SPAG9: variants seen among roughly 807,000 people sequenced by gnomAD.
The protein encoded by SPAG9 is sperm associated antigen 9.
Under a neutral mutation model 166.5 loss-of-function variants are expected in SPAG9, and 35 were observed. The observed-to-expected ratio is 0.21, with a 90% CI of 0.16 to 0.28. The LOEUF (loss-of-function observed/expected upper bound fraction) is 0.28, where lower values mean the gene tolerates loss of function less well. SPAG9 is among the 10% of genes least tolerant of loss of function. The pLI is 1.00. For missense variants in SPAG9, 1,235 were observed against 1,603.3 expected (o/e 0.77, Z 3.92); for synonymous variants, 534 against 565.5 (o/e 0.94, Z 0.79).
chr17:51,047,022 A>C, intron 4 of SPAG9: 1 of 1,112,486 alleles, frequency 9.0e-7, no homozygotes, highest in South Asian at 1.7e-5. Context: ...ACCCTTTCAA[A>C]CATGCCTCTC....
intron 2 of SPAG9, among the ~76,000 whole-genome samples, chr17:51,062,528 T>A (rs767947812): frequency 6.6e-6 from 1 of 152,204 alleles, no homozygotes; most frequent in Non-Finnish European, 1.5e-5. Flanking sequence ...AATCATATAG[T>A]ACCTAGCCTT....
chr17:51,002,988 TA>T (rs79811826), intron 12 of SPAG9, among the ~76,000 whole-genome samples: 5,122 of 130,314 alleles, frequency 0.039, 192 homozygotes, highest in East Asian at 0.21. Context: ...AGGCTGAAGT[TA>T]AAAAAAAAAA....
chr17:50,989,418 C>T (rs1035887440), intron 21 of SPAG9: 2 of 509,772 alleles, frequency 3.9e-6, no homozygotes, highest in Non-Finnish European at 3.5e-6. Flanking sequence ...GAACATATCC[C>T]CATTGTTGAC....
At chr17:50,996,261 A>G (rs2044675592) in intron 16 of SPAG9, 2 of 246,340 alleles carry the variant, frequency 8.1e-6, no homozygotes, top group Admixed American at 5.3e-5. Flanking sequence ...TTTTTAAAAA[A>G]TGAAATCTTC....
At chr17:51,027,230 G>C (rs1051429394) in intron 6 of SPAG9, among the ~76,000 whole-genome samples, 2 of 152,032 alleles carry the variant, frequency 1.3e-5, no homozygotes, top group African/African-American at 2.4e-5. Flanking sequence ...TCAGAAGTTT[G>C]AGACCAGCCT....
intron 1 of SPAG9, among the ~76,000 whole-genome samples, chr17:51,104,139 C>A (rs1439839914): frequency 6.6e-6 from 1 of 152,072 alleles, no homozygotes; most frequent in East Asian, 1.9e-4. Context: ...GAAAAGAGAA[C>A]CAGGTTTGGG....
At chr17:50,999,365 G>C in intron 14 of SPAG9, 1 of 839,058 alleles carries the variant, frequency 1.2e-6, no homozygotes, top group East Asian at 2.9e-5. Context: ...TCATTTTCAA[G>C]TCTCTAAATA....
chr17:51,064,811 GAAT>G (rs2047614930), intron 2 of SPAG9, among the ~76,000 whole-genome samples: 1 of 152,128 alleles, frequency 6.6e-6, no homozygotes, highest in African/African-American at 2.4e-5. Flanking sequence ...AAAAACCGCT[GAAT>G]TGTACACTTC....
intron 3 of SPAG9, among the ~76,000 whole-genome samples, chr17:51,055,731 T>G (rs193185105): frequency 6.6e-6 from 1 of 152,304 alleles, no homozygotes; most frequent in East Asian, 1.9e-4. Context: ...ATTATATTTA[T>G]CTGGGTATGT....
chr17:51,109,053 G>A (rs2049031246), intron 1 of SPAG9, among the ~76,000 whole-genome samples: 1 of 151,588 alleles, frequency 6.6e-6, no homozygotes, highest in South Asian at 2.1e-4. Context: ...GTAGAGACAG[G>A]GTTTCTCCAT....
intron 1 of SPAG9, among the ~76,000 whole-genome samples, chr17:51,111,233 T>A (rs2049102162): frequency 6.6e-6 from 1 of 152,202 alleles, no homozygotes; most frequent in South Asian, 2.1e-4. Context: ...ATAACAGCTT[T>A]TTAAATATAT....
At chr17:51,035,135 C>T (rs1413973315) in intron 5 of SPAG9, among the ~76,000 whole-genome samples, 3 of 152,204 alleles carry the variant, frequency 2.0e-5, no homozygotes, top group East Asian at 3.9e-4. Context: ...CATAGTGAGG[C>T]CCTGTCTGTA....
intron 4 of SPAG9, chr17:51,046,792 C>T (rs1395934552): frequency 6.5e-7 from 1 of 1,534,370 alleles, no homozygotes; most frequent in South Asian, 1.2e-5. Flanking sequence ...CAGCTTTCCA[C>T]TCCATCCTGC....
intron 11 of SPAG9, 109 bp downstream of exon 11, chr17:51,005,976 C>T (rs889846469): frequency 6.2e-6 from 8 of 1,287,088 alleles, no homozygotes; most frequent in Non-Finnish European, 7.6e-6. Flanking sequence ...CAGCTCTTGG[C>T]CTTCCAGGCT....
At chr17:51,092,762 AAAAAAGAAAAAAAG>A (rs2048504331) in intron 1 of SPAG9, among the ~76,000 whole-genome samples, 1 of 142,424 alleles carries the variant, frequency 7.0e-6, no homozygotes, top group Non-Finnish European at 1.5e-5. Flanking sequence ...AAAAAAAAAA[AAAAAAGAAAAAAAG>A]AAAAAGAAAA....
intron 29 of SPAG9, among the ~76,000 whole-genome samples, chr17:50,969,363 T>C (rs908888403): frequency 2.6e-5 from 4 of 152,158 alleles, no homozygotes; most frequent in Non-Finnish European, 5.9e-5. Context: ...CTGTTGACAG[T>C]CCTGAGCTCT....
chr17:50,973,278 T>C (rs1487168616), intron 28 of SPAG9, among the ~76,000 whole-genome samples: 2 of 152,132 alleles, frequency 1.3e-5, no homozygotes, highest in African/African-American at 4.8e-5. Flanking sequence ...TTGCATCGAC[T>C]TCAAGATAGT....
At chr17:51,118,202 C>A (rs1050561623) in intron 1 of SPAG9, among the ~76,000 whole-genome samples, 3 of 151,784 alleles carry the variant, frequency 2.0e-5, no homozygotes, top group Non-Finnish European at 4.4e-5. Context: ...TGGGAGTGGG[C>A]TCATTTAGCA....
intron 3 of SPAG9, among the ~76,000 whole-genome samples, chr17:51,054,438 T>TG (rs2047302151): frequency 6.7e-6 from 1 of 149,264 alleles, no homozygotes; most frequent in African/African-American, 2.5e-5. Flanking sequence ...GTGGGTTTTT[T>TG]TGGCTTTTTT....
Sources: gnomAD v4.1 joint callset for allele counts (sites outside exome capture counted in the v4.1 genomes callset) on GRCh38, gnomAD v4.1.1 for gene constraint, MANE v1.5 for transcripts, NCBI Gene and HGNC (gene_info 2026-07-23, HGNC 2026-07-21) for gene names.